The following NR5A1 variants were observed in gnomAD, a reference collection of about 807,000 sequenced individuals.
NR5A1 encodes nuclear receptor subfamily 5 group A member 1.
NR5A1 carries 6 observed loss-of-function variants against 42.7 expected under a neutral mutation model. That is an observed-to-expected ratio of 0.14 (90% CI 0.08 to 0.28). The LOEUF is 0.28. Among genes scored for constraint, NR5A1 ranks in the 10% least tolerant of loss-of-function variants. The probability of loss-of-function intolerance (pLI) is 1.00; values close to 1 mark genes in which losing one functional copy is unlikely to be tolerated. For missense variants in NR5A1, 442 were observed against 626.4 expected (o/e 0.71, Z 3.14); for synonymous variants, 274 against 277.5 (o/e 0.99, Z 0.12).
Position 124,503,006 on chromosome 9 carries a change from C to T in NR5A1, c.244+73G>A. 9.2e-6 allele frequency: 14 copies of T among 1,519,270 alleles called. No homozygotes were observed. The highest frequency in any genetic ancestry group is 1.2e-5 in the Non-Finnish European group (14 of 1,137,600). The allele number at this position is 1,519,270 out of a possible 1,614,324, so 94.1% of individuals were successfully genotyped here. A position where few individuals can be genotyped will look rare whatever the true frequency, so the allele number is the denominator to read the frequency against. On this transcript the variant is annotated intron_variant, in intron 3 of 6. Transcript: ENST00000373588. This position sits in a 1 kb window ranked among gnomAD's most constrained non-coding sequence, Gnocchi z 9.6. ...AAGGCCAATGGTACTATCCCCTCAG[C>T]CCCTCTCCCACCCCCACCCCCTACC...
At position 124,482,771 on chromosome 9, in the gene NR5A1, G is replaced by T. The variant is rs867106298; in HGVS notation, c.1373C>A (p.Ala458Asp). ...RNNLLIEMLQ[A>D]KQT The stretch of plus-strand genomic sequence containing the variant: ...CCCGGCCCAGGCTCAAGTCTGCTTG[G>T]CTTGCAGCATTTCGATGAGCAGGTT... The change falls in exon 7 of 7, where the codon GCC becomes GAC. Residue 458 changes from alanine (A) to aspartate (D), a missense_variant. Transcript: ENST00000373588. 1.3e-6 allele frequency: 2 copies of T among 1,569,610 alleles called. No individual in the cohort carries two copies. Among genetic ancestry groups the T allele is most frequent in the Non-Finnish European group, 1.7e-6 (2 of 1,159,338 alleles).
At chr9:124,502,618 C>T (rs1410622837) in intron 3 of NR5A1, among the ~76,000 whole-genome samples, 4 of 152,232 alleles carry the variant, frequency 2.6e-5, no homozygotes, top group East Asian at 3.8e-4. Flanking sequence ...ATGAGCCGCT[C>T]CATCCGGCCA....
intron 1 of NR5A1, among the ~76,000 whole-genome samples, chr9:124,505,637 TG>T (rs1185584355): frequency 2.2e-4 from 33 of 152,288 alleles, no homozygotes; most frequent in Admixed American, 1.0e-3. Flanking sequence ...CTCAGGTCGC[TG>T]GGCTGGAAAT....
At chr9:124,506,804 C>A (rs1832567685) in intron 1 of NR5A1, among the ~76,000 whole-genome samples, 1 of 152,206 alleles carries the variant, frequency 6.6e-6, no homozygotes, top group Non-Finnish European at 1.5e-5. Context: ...CTAGACCTGG[C>A]CCGGCCGCAG....
In NR5A1 at chr9:124,498,701, T is replaced by A. The variant is rs1406034968; in HGVS notation, c.870+1389A>T. On this transcript the variant is annotated intron_variant, in intron 4 of 6. Coordinates refer to ENST00000373588, the MANE Select transcript of NR5A1 (RefSeq NM_004959.5). The surrounding 1 kb of genome is among the most constrained non-coding windows in gnomAD (Gnocchi z 4.6). ...ATTCAAGACCCTGCCTTTTGCCTCA[T>A]CCATTAGGTCGGACCAGAGAGGCGG... 6.6e-6 allele frequency among the ~76,000 whole-genome samples: 1 copy of A among 152,116 alleles called. No homozygotes were observed. Among genetic ancestry groups the A allele is most frequent in the Non-Finnish European group, 1.5e-5 (1 of 68,010 alleles).
intron 5 of NR5A1, among the ~76,000 whole-genome samples, chr9:124,492,207 G>A (rs1057285520): frequency 2.0e-5 from 3 of 151,524 alleles, no homozygotes; most frequent in African/African-American, 7.3e-5. Context: ...CTGCCAGCAG[G>A]CTGGACCCTG....
At chr9:124,485,127 T>A (rs543855550) in intron 6 of NR5A1, among the ~76,000 whole-genome samples, 1 of 152,186 alleles carries the variant, frequency 6.6e-6, no homozygotes, top group African/African-American at 2.4e-5. Flanking sequence ...TGTCACAGCT[T>A]GCAGGCCTCT....
In NR5A1 at chr9:124,498,847, C is replaced by T. The variant is rs914247166; in HGVS notation, c.870+1243G>A. On this transcript the variant is annotated intron_variant, in intron 4 of 6. Transcript: ENST00000373588. This position sits in a 1 kb window ranked among gnomAD's most constrained non-coding sequence, Gnocchi z 4.6. ...AGCCGTAGCCACCACCATCAATCCT[C>T]GACTCCCAGATGGCCCAGGCCCCAG... 2.6e-5 allele frequency among the ~76,000 whole-genome samples: 4 copies of T among 152,210 alleles called. No individual in the cohort carries two copies. Among genetic ancestry groups the T allele is most frequent in the East Asian group, 3.8e-4 (2 of 5,198 alleles).
Position 124,500,035 on chromosome 9 carries a change from T to C in NR5A1, c.870+55A>G. 6.2e-7 allele frequency: 1 copy of C among 1,612,532 alleles called. No homozygotes were observed. The highest frequency in any genetic ancestry group is 8.5e-7 in the Non-Finnish European group (1 of 1,179,658). ...TCCAAAGGACAGTCGGGCTAAGGCT[T>C]GGGCAGCCGGGAGGACCATGATGCA... On this transcript the variant is annotated intron_variant, in intron 4 of 6. Transcript: ENST00000373588. The surrounding 1 kb of genome is among the most constrained non-coding windows in gnomAD (Gnocchi z 6.9).
At chr9:124,486,861 T>A (rs939010040) in intron 6 of NR5A1, among the ~76,000 whole-genome samples, 1 of 152,224 alleles carries the variant, frequency 6.6e-6, no homozygotes, top group African/African-American at 2.4e-5. Context: ...GGGGTTCAGA[T>A]CCCGGCTTTA....
chr9:124,498,280 G>A lies in NR5A1; in HGVS notation c.870+1810C>T, dbSNP rs1489715051. 1.3e-5 allele frequency among the ~76,000 whole-genome samples: 2 copies of A among 152,196 alleles called. No homozygotes were observed. The highest frequency in any genetic ancestry group is 1.9e-4 in the East Asian group (1 of 5,194). Reference sequence around the variant, plus strand: ...AACTTCCACATGGCTTACGAGAGGCGCTCTAAGGGCTGGGCTGGTACTTAT... The same window carrying A: ...AACTTCCACATGGCTTACGAGAGGCACTCTAAGGGCTGGGCTGGTACTTAT... On this transcript the variant is annotated intron_variant, in intron 4 of 6. Transcript: ENST00000373588. This position sits in a 1 kb window ranked among gnomAD's most constrained non-coding sequence, Gnocchi z 4.6.
chr9:124,500,074 G>A lies in NR5A1; in HGVS notation c.870+16C>T, dbSNP rs1428274917. On this transcript the variant is annotated intron_variant, in intron 4 of 6. Coordinates refer to ENST00000373588, the MANE Select transcript of NR5A1 (RefSeq NM_004959.5). The surrounding 1 kb of genome is among the most constrained non-coding windows in gnomAD (Gnocchi z 6.9). The stretch of plus-strand genomic sequence containing the variant: ...GACCATGATGCAGGGCCAGCCGGGC[G>A]GGAGGAGAGACTCACCTCCAGCTCC... The A allele has an allele frequency of 3.7e-6, 6 of 1,612,922 alleles. No homozygotes were observed. In the Admixed American group the frequency reaches 5.0e-5, roughly 13 times the overall value.
chr9:124,489,328 C>T (rs1017742263), intron 6 of NR5A1, among the ~76,000 whole-genome samples: 1 of 152,166 alleles, frequency 6.6e-6, no homozygotes, highest in Non-Finnish European at 1.5e-5. Context: ...CCCGGACTCC[C>T]GCGGACACAC....
At chr9:124,486,933 C>G (rs961159070) in intron 6 of NR5A1, among the ~76,000 whole-genome samples, 8 of 152,250 alleles carry the variant, frequency 5.3e-5, no homozygotes, top group South Asian at 2.1e-4. Flanking sequence ...TTCCTGTCAT[C>G]TGCACAACAG....
chr9:124,491,016 C>CCGG, intron 6 of NR5A1, 65 bp downstream of exon 6: 2 of 564,594 alleles, frequency 3.5e-6, no homozygotes, highest in Non-Finnish European at 6.3e-6. Flanking sequence ...TCTCCAGCCT[C>CCGG]ACCCACCCTC....
Position 124,491,942 on chromosome 9 carries a change from C to T in NR5A1, c.991-714G>A, listed in dbSNP as rs185581122. On this transcript the variant is annotated intron_variant, in intron 5 of 6. Coordinates refer to ENST00000373588, the MANE Select transcript of NR5A1 (RefSeq NM_004959.5). ...CATTCCCATGGCCACAGAGACTCAG[C>T]CAGCCTGCGGACACCCACACTTCAT... is the stretch of plus-strand genomic sequence containing the variant. Among the ~76,000 whole-genome samples, 1,174 of 152,238 alleles carry T rather than the reference C, an allele frequency of 7.7e-3. 13 individuals are homozygous for T. The highest frequency in any genetic ancestry group is 0.024 in the African/African-American group (989 of 41,514).
Position 124,500,341 on chromosome 9 carries a change from G to C in NR5A1, c.619C>G (p.Pro207Ala), listed in dbSNP as rs1437757608. 1.3e-6 allele frequency: 2 copies of C among 1,556,262 alleles called. No homozygotes were observed. Among genetic ancestry groups the C allele is most frequent in the Non-Finnish European group, 1.7e-6 (2 of 1,150,320 alleles). ...TCTGGGTAGCCGTACGGCAGCCCAG[G>C]CTGTGGGGGGCTGGCATAAGGCTCC... ...YPEPYASPPQPGLPYGYPEPF... is the reference protein window; with the variant it reads ...YPEPYASPPQAGLPYGYPEPF... Residue 207 changes from proline to alanine, a missense_variant, in exon 4 of 7, where the codon CCT (proline) becomes GCT (alanine). Physicochemically the swap from Pro to Ala is conservative, Grantham distance 27. This residue lies in a region of NR5A1 where 208 missense variants were observed against 203.8 expected (regional missense o/e 1.02). Transcript: ENST00000373588. The surrounding 1 kb of genome is among the most constrained non-coding windows in gnomAD (Gnocchi z 6.9).
intron 5 of NR5A1, among the ~76,000 whole-genome samples, chr9:124,492,010 C>T (rs1832318056): frequency 1.3e-5 from 2 of 152,136 alleles, no homozygotes; most frequent in South Asian, 4.1e-4. Context: ...CCCAAAGACA[C>T]CCCCCTGGGA....
intron 4 of NR5A1, among the ~76,000 whole-genome samples, chr9:124,499,836 G>C (rs1204822807): frequency 6.6e-6 from 1 of 152,220 alleles, no homozygotes; most frequent in African/African-American, 2.4e-5. Flanking sequence ...GGAAGAGACA[G>C]AGGCAGAGAT....
Sources: allele counts gnomAD v4.1 joint callset (sites outside exome capture counted in the v4.1 genomes callset), GRCh38; gene constraint gnomAD v4.1.1; regional missense constraint gnomAD v4.1.1; non-coding constraint Gnocchi (gnomAD v3.1); transcripts MANE v1.5; gene names NCBI Gene and HGNC (gene_info 2026-07-23, HGNC 2026-07-21).